The following EPB41L1 variants were observed in gnomAD, a reference collection of about 807,000 sequenced individuals.
EPB41L1 encodes the protein band 4.1-like protein 1.
EPB41L1 carries 29 observed loss-of-function variants against 97.8 expected under a neutral mutation model. That is an observed-to-expected ratio of 0.30 (90% CI 0.22 to 0.40). EPB41L1 has a LOEUF of 0.40. Among genes scored for constraint, EPB41L1 ranks in the 10% least tolerant of loss-of-function variants. The probability of loss-of-function intolerance (pLI) is 1.00; values close to 1 mark genes in which losing one functional copy is unlikely to be tolerated. For missense variants in EPB41L1, 812 were observed against 1,162.3 expected, an observed-to-expected ratio of 0.70 and a Z score of 4.38; for synonymous variants, 383 against 459.2, an observed-to-expected ratio of 0.83 and a Z score of 2.12.
intron 2 of EPB41L1, among the ~76,000 whole-genome samples, chr20:36,126,436 G>A (rs568783032): frequency 4.7e-5 from 7 of 149,424 alleles, no homozygotes; most frequent in African/African-American, 1.7e-4. Flanking sequence ...GCGTGATCTC[G>A]GCTCACTGCA....
At chr20:36,120,359 C>T (rs1191044185) in intron 2 of EPB41L1, among the ~76,000 whole-genome samples, 1 of 152,164 alleles carries the variant, frequency 6.6e-6, no homozygotes, top group African/African-American at 2.4e-5. Flanking sequence ...GACTGTAGAG[C>T]ACACAGGAGG....
chr20:36,152,275 A>G (rs1205267005), upstream of EPB41L1: 1 of 152,262 alleles, frequency 6.6e-6, no homozygotes, highest in Admixed American at 6.5e-5. Context: ...TGTGGTCTCA[A>G]TGACCTGAAG....
At chr20:36,116,789 C>T (rs904065346) in intron 2 of EPB41L1, among the ~76,000 whole-genome samples, 1 of 152,184 alleles carries the variant, frequency 6.6e-6, no homozygotes, top group East Asian at 1.9e-4. Context: ...GGATAATGCC[C>T]CCAGAGGCCT....
chr20:36,232,312 G>C lies in EPB41L1; in HGVS notation c.*2972G>C. The C allele has an allele frequency of 3.3e-6, 1 of 301,864 alleles. No individual in the cohort carries two copies. The highest frequency in any genetic ancestry group is 6.0e-6 in the Non-Finnish European group (1 of 165,894). 18.7% of individuals were successfully genotyped at this position (301,864 alleles called of 1,614,324 possible). On this transcript the variant is annotated 3_prime_UTR_variant, in exon 22 of 22. Coordinates refer to ENST00000338074, the MANE Select transcript of EPB41L1 (RefSeq NM_012156.2). ...CATAGTGGAAAAAGTCCCTGAGGGC[G>C]GTTAGGAGTTCTGGGTGACCATCCT...
chr20:36,205,762 G>C, intron 14 of EPB41L1: 1 of 1,176,840 alleles, frequency 8.5e-7, no homozygotes, highest in Non-Finnish European at 1.1e-6. Flanking sequence ...GTGGTAGATT[G>C]GTCCCCTCTT....
chr20:36,167,567 G>A (rs2145773170), intron 1 of EPB41L1, among the ~76,000 whole-genome samples: 1 of 151,938 alleles, frequency 6.6e-6, no homozygotes. Flanking sequence ...AATTAGCTGG[G>A]CATGGTGGCG....
At chr20:36,097,524 G>C (rs1349059237) in intron 1 of EPB41L1, among the ~76,000 whole-genome samples, 5 of 152,136 alleles carry the variant, frequency 3.3e-5, no homozygotes, top group Non-Finnish European at 5.9e-5. Context: ...ATTCTTGAAG[G>C]CCTTTGTATT....
intron 4 of EPB41L1, 146 bp downstream of exon 4, chr20:36,178,202 G>A: frequency 1.4e-6 from 1 of 708,902 alleles, no homozygotes; most frequent in Non-Finnish European, 2.5e-6. Context: ...CTATCCACCT[G>A]CGGTTCCCTG....
intron 1 of EPB41L1, among the ~76,000 whole-genome samples, chr20:36,156,278 C>A (rs1419763463): frequency 6.6e-6 from 1 of 152,226 alleles, no homozygotes; most frequent in African/African-American, 2.4e-5. Context: ...CACCTCAAGG[C>A]AGTCCTGGAG....
upstream of EPB41L1, chr20:36,150,483 A>G (rs2060008183): frequency 6.6e-6 from 1 of 152,098 alleles, no homozygotes; most frequent in Non-Finnish European, 1.5e-5. Flanking sequence ...CATGGCTAGT[A>G]GCTACCATAT....
chr20:36,107,473 C>G (rs1207153977), intron 1 of EPB41L1, among the ~76,000 whole-genome samples: 1 of 151,038 alleles, frequency 6.6e-6, no homozygotes, highest in Admixed American at 6.6e-5. Context: ...CCTGCCTTGG[C>G]CTCCCAAAGT....
At chr20:36,145,750 G>A (rs2059808921) in intron 2 of EPB41L1, among the ~76,000 whole-genome samples, 2 of 152,174 alleles carry the variant, frequency 1.3e-5, no homozygotes, top group African/African-American at 4.8e-5. Context: ...AACCACATGT[G>A]GCTATGAGTT....
At chr20:36,101,968 G>T (rs2058030217) in intron 1 of EPB41L1, among the ~76,000 whole-genome samples, 1 of 151,844 alleles carries the variant, frequency 6.6e-6, no homozygotes. Flanking sequence ...TCACACCATT[G>T]CACTCCAGCC....
In EPB41L1 at chr20:36,190,862, G is replaced by A; in HGVS notation, c.1300+65G>A. 6.3e-6 allele frequency: 10 copies of A among 1,588,742 alleles called. No homozygotes were observed. The highest frequency in any genetic ancestry group is 8.5e-6 in the Non-Finnish European group (10 of 1,170,136). The stretch of plus-strand genomic sequence containing the variant: ...CAGAGGGAACTGGGGGAGTGGGCAT[G>A]CTGGGTTCTGCAGAATGAGCAGGAA... On this transcript the variant is annotated intron_variant, in intron 11 of 21. Transcript: ENST00000338074. The surrounding 1 kb of genome is among the most constrained non-coding windows in gnomAD (Gnocchi z 5.8).
intron 14 of EPB41L1, among the ~76,000 whole-genome samples, chr20:36,202,393 C>T (rs940580683): frequency 6.6e-6 from 1 of 152,208 alleles, no homozygotes; most frequent in Non-Finnish European, 1.5e-5. Context: ...GCCAGCCCTT[C>T]GGAGACTTGA....
intron 1 of EPB41L1, among the ~76,000 whole-genome samples, chr20:36,161,041 G>C (rs2060505139): frequency 6.6e-6 from 1 of 152,212 alleles, no homozygotes; most frequent in Non-Finnish European, 1.5e-5. Context: ...GAGACCGTGA[G>C]AGTTGCCCTC....
In EPB41L1 at chr20:36,206,866, C is replaced by T. The variant is rs1316126455; in HGVS notation, c.1669-2622C>T. 2 of 1,289,924 alleles carry T rather than the reference C, an allele frequency of 1.6e-6. No individual in the cohort carries two copies. The highest frequency in any genetic ancestry group is 1.1e-4 in the East Asian group (2 of 18,020). The allele number at this position is 1,289,924 out of a possible 1,614,324, so 79.9% of individuals were successfully genotyped here. On this transcript the variant is annotated intron_variant, in intron 14 of 21. Transcript: ENST00000338074. This position sits in a 1 kb window ranked among gnomAD's most constrained non-coding sequence, Gnocchi z 5.5. ...GGCTGAGGAAAGTCCCACAGAGGAA[C>T]TGAAGAAGCACCCTCCTCACAGAGG...
chr20:36,122,300 G>A (rs965127803), intron 2 of EPB41L1, among the ~76,000 whole-genome samples: 4 of 152,222 alleles, frequency 2.6e-5, no homozygotes, highest in Non-Finnish European at 4.4e-5. Context: ...GCAGAGGGCC[G>A]GCCTTTGTGC....
In EPB41L1 at chr20:36,232,766, T is replaced by C; in HGVS notation, c.*3426T>C. ...GCTCTCTGTTCTTGTATACTCAATA[T>C]AAGTGAAATAAATGTGTTTGATGCT... On this transcript the variant is annotated 3_prime_UTR_variant, in exon 22 of 22. Coordinates refer to ENST00000338074, the MANE Select transcript of EPB41L1 (RefSeq NM_012156.2). The C allele has an allele frequency of 2.5e-6, 1 of 398,618 alleles. No homozygotes were observed. Among genetic ancestry groups the C allele is most frequent in the South Asian group, 1.3e-4 (1 of 7,840 alleles). The allele number at this position is 398,618 out of a possible 1,614,324, so 24.7% of individuals were successfully genotyped here.
Sources: gnomAD v4.1 joint callset for allele counts (sites outside exome capture counted in the v4.1 genomes callset) on GRCh38, gnomAD v4.1.1 for gene constraint, Gnocchi (gnomAD v3.1) non-coding constraint, MANE v1.5 for transcripts, NCBI Gene and HGNC (gene_info 2026-07-23, HGNC 2026-07-21) for gene names.